NRG1: variants seen among roughly 807,000 people sequenced by gnomAD.
The protein encoded by NRG1 is pro-neuregulin-1, membrane-bound isoform.
Under a neutral mutation model 63.8 loss-of-function variants are expected in NRG1, and 18 were observed. The observed-to-expected ratio is 0.28, with a 90% confidence interval of 0.19 to 0.42. NRG1 has a LOEUF of 0.42. Among genes scored for constraint, NRG1 ranks in the 10% least tolerant of loss-of-function variants. The pLI is 1.00. For missense variants in NRG1, 762 were observed against 814.7 expected, an observed-to-expected ratio of 0.94 and a Z score of 0.79; for synonymous variants, 302 against 301.3, an observed-to-expected ratio of 1.00 and a Z score of -0.02.
chr8:31,692,824 T>A (rs1272750174), intron 1 of NRG1, among the ~76,000 whole-genome samples: 1 of 152,164 alleles, frequency 6.6e-6, no homozygotes. Context: ...AAAAGAGCCC[T>A]AGGTAGTGAA....
At chr8:32,756,307 T>A (rs1307576907) in intron 8 of NRG1, 96 bp from the exon 9 acceptor site, 2 of 1,424,140 alleles carry the variant, frequency 1.4e-6, no homozygotes, top group African/African-American at 2.9e-5. Flanking sequence ...GTCTACTGCC[T>A]TGAACTACTC....
chr8:32,202,681 G>A (rs899085492), intron 1 of NRG1, among the ~76,000 whole-genome samples: 2 of 151,706 alleles, frequency 1.3e-5, no homozygotes, highest in African/African-American at 4.8e-5. Context: ...GGACGGAGTG[G>A]GAAGATGATC....
chr8:32,028,397 A>G (rs144051688), intron 1 of NRG1, among the ~76,000 whole-genome samples: 1 of 152,320 alleles, frequency 6.6e-6, no homozygotes, highest in Non-Finnish European at 1.5e-5. Context: ...AATGTGACCT[A>G]ATGTTAAAAT....
chr8:32,719,814 G>T (rs1820172301), intron 5 of NRG1, among the ~76,000 whole-genome samples: 2 of 151,616 alleles, frequency 1.3e-5, no homozygotes, highest in Non-Finnish European at 2.9e-5. Context: ...AAGTTCTCTG[G>T]GTTTTATTGC....
chr8:32,121,211 TTTTTG>T (rs1369824537), intron 1 of NRG1, among the ~76,000 whole-genome samples: 1 of 151,870 alleles, frequency 6.6e-6, no homozygotes, highest in Non-Finnish European at 1.5e-5. Flanking sequence ...ACAGCTAAGG[TTTTTG>T]TTTTGTTTTG....
chr8:32,243,064 T>C (rs1472911753), intron 1 of NRG1, among the ~76,000 whole-genome samples: 1 of 152,130 alleles, frequency 6.6e-6, no homozygotes, highest in African/African-American at 2.4e-5. Flanking sequence ...TCTCCCTGTG[T>C]CTCTCCATGT....
chr8:32,302,162 A>G (rs1855645658), intron 1 of NRG1, among the ~76,000 whole-genome samples: 1 of 152,170 alleles, frequency 6.6e-6, no homozygotes. Context: ...TCGTCATGTT[A>G]TGGTCTTGGG....
intron 5 of NRG1, chr8:32,648,305 G>C: frequency 6.2e-7 from 1 of 1,613,824 alleles, no homozygotes; most frequent in Non-Finnish European, 8.5e-7. Flanking sequence ...CACCCACCCG[G>C]AACCCTGAGG....
chr8:31,842,128 C>T (rs1380377068), intron 1 of NRG1, among the ~76,000 whole-genome samples: 2 of 152,178 alleles, frequency 1.3e-5, no homozygotes, highest in Non-Finnish European at 2.9e-5. Flanking sequence ...TACCCAGGGA[C>T]AGAAGACTTG....
chr8:32,493,597 G>C (rs10093361), intron 1 of NRG1, among the ~76,000 whole-genome samples: 15,348 of 152,170 alleles, frequency 0.1, 1,887 homozygotes, highest in East Asian at 0.57. Context: ...ATTTGAAATG[G>C]CAGCATTTCC....
chr8:32,410,132 G>C (rs1377621788), intron 1 of NRG1, among the ~76,000 whole-genome samples: 1 of 148,160 alleles, frequency 6.7e-6, no homozygotes, highest in African/African-American at 2.5e-5. Flanking sequence ...AGTTGTCAGT[G>C]ATTCACCCCC....
At chr8:32,678,725 G>A (rs897942608) in intron 5 of NRG1, among the ~76,000 whole-genome samples, 24 of 152,094 alleles carry the variant, frequency 1.6e-4, no homozygotes, top group Admixed American at 1.4e-3. Context: ...CCACTTCACC[G>A]GTAAGGACAA....
intron 1 of NRG1, among the ~76,000 whole-genome samples, chr8:32,380,054 T>C (rs1179524505): frequency 6.6e-6 from 1 of 152,190 alleles, no homozygotes; most frequent in East Asian, 1.9e-4. Flanking sequence ...GCATTTGTCA[T>C]CACCATCTCC....
intron 1 of NRG1, among the ~76,000 whole-genome samples, chr8:32,411,133 C>T (rs1587464030): frequency 6.6e-6 from 1 of 152,140 alleles, no homozygotes; most frequent in Admixed American, 6.5e-5. Flanking sequence ...CTCAGCCCCC[C>T]AAAGTGCTGA....
chr8:32,406,337 T>C (rs184101983), intron 1 of NRG1, among the ~76,000 whole-genome samples: 9 of 152,338 alleles, frequency 5.9e-5, no homozygotes, highest in African/African-American at 2.2e-4. Flanking sequence ...TCTATGCCTT[T>C]GTTTTATCAT....
At chr8:32,081,325 A>G (rs1395046809) in intron 1 of NRG1, among the ~76,000 whole-genome samples, 2 of 152,144 alleles carry the variant, frequency 1.3e-5, no homozygotes, top group Non-Finnish European at 1.5e-5. Flanking sequence ...AGTCCACATC[A>G]TGGAGGTAGC....
chr8:32,450,641 C>T lies in NRG1; in HGVS notation c.38-145187C>T, dbSNP rs188115361. On this transcript the variant is annotated intron_variant, in intron 1 of 10. Coordinates refer to the NRG1 transcript ENST00000519301. ...ATGTTGCCCAGGCTGGTCTTGAACT[C>T]CTAGGCTCAAATGATCCTCCTGCTT... Among the ~76,000 whole-genome samples, 64 of 152,208 alleles carry T rather than the reference C, an allele frequency of 4.2e-4. 1 individual carries two copies.
intron 1 of NRG1, among the ~76,000 whole-genome samples, chr8:31,726,303 G>T (rs1316577370): frequency 6.6e-6 from 1 of 152,156 alleles, no homozygotes; most frequent in Non-Finnish European, 1.5e-5. Flanking sequence ...TTCCTGAGAA[G>T]TATTAGGTTA....
chr8:31,991,058 T>C (rs988208590), intron 1 of NRG1, among the ~76,000 whole-genome samples: 2 of 152,102 alleles, frequency 1.3e-5, no homozygotes, highest in African/African-American at 4.8e-5. Context: ...TAAATGTTAA[T>C]AGCCTCCATC....
Sources: gnomAD v4.1 joint callset for allele counts (sites outside exome capture counted in the v4.1 genomes callset) on GRCh38, gnomAD v4.1.1 for gene constraint, MANE v1.5 for transcripts, NCBI Gene and HGNC (gene_info 2026-07-23, HGNC 2026-07-21) for gene names.